Variants in PLXDC2 observed in about 807,000 individuals in gnomAD.
The protein encoded by PLXDC2 is plexin domain containing 2.
In PLXDC2, 40 loss-of-function variants were observed where a neutral mutation model predicts 68.9. That is an observed-to-expected ratio of 0.58 (90% CI 0.45 to 0.76). The LOEUF (loss-of-function observed/expected upper bound fraction) is 0.76. Ranked by LOEUF, PLXDC2 falls within the 30% of genes least tolerant of loss-of-function variation. PLXDC2 has a pLI of 0.00. For missense variants in PLXDC2, 644 were observed against 661.9 expected, an observed-to-expected ratio of 0.97 and a Z score of 0.30; for synonymous variants, 243 against 234.2, an observed-to-expected ratio of 1.04 and a Z score of -0.34.
chr10:20,238,662 A>AAAAATATATATATATGTGTATATATAT (rs1175526348), intron 12 of PLXDC2, among the ~76,000 whole-genome samples: 1 of 31,726 alleles, frequency 3.2e-5, no homozygotes, highest in African/African-American at 1.0e-4. Context: ...TCTCAAAAAA[A>AAAAATATATATATATGTGTATATATAT]ATATATATAT....
At chr10:19,890,583 G>T (rs1837939717) in intron 1 of PLXDC2, among the ~76,000 whole-genome samples, 2 of 140,322 alleles carry the variant, frequency 1.4e-5, no homozygotes, top group African/African-American at 5.3e-5. Flanking sequence ...CACCGCGTTA[G>T]CCAGGATGGT....
intron 4 of PLXDC2, among the ~76,000 whole-genome samples, chr10:20,141,910 A>G (rs16919920): frequency 0.27 from 40,879 of 151,732 alleles, 6,203 homozygotes; most frequent in East Asian, 0.5. Context: ...ATAAGAAACA[A>G]AAAGTCATGA....
At chr10:20,044,554 C>T (rs1174608586) in intron 2 of PLXDC2, among the ~76,000 whole-genome samples, 2 of 151,976 alleles carry the variant, frequency 1.3e-5, no homozygotes, top group Admixed American at 6.6e-5. Flanking sequence ...AGGTGATCCA[C>T]CCGCCTCGGC....
At chr10:20,045,795 A>G (rs970020008) in intron 2 of PLXDC2, among the ~76,000 whole-genome samples, 4 of 152,148 alleles carry the variant, frequency 2.6e-5, no homozygotes, top group African/African-American at 9.7e-5. Context: ...ATTTTTTCTT[A>G]CATTTACCTG....
chr10:20,058,299 T>G (rs2131696356), intron 3 of PLXDC2, among the ~76,000 whole-genome samples: 1 of 152,298 alleles, frequency 6.6e-6, no homozygotes, highest in South Asian at 2.1e-4. Context: ...CCTAACATGC[T>G]AGTGGAGTGG....
At chr10:19,827,379 G>A (rs1266444129) in intron 1 of PLXDC2, among the ~76,000 whole-genome samples, 1 of 152,092 alleles carries the variant, frequency 6.6e-6, no homozygotes, top group Non-Finnish European at 1.5e-5. Context: ...AGCCATTTTA[G>A]AATAAACATT....
At chr10:20,083,958 C>A (rs1179965852) in intron 4 of PLXDC2, among the ~76,000 whole-genome samples, 1 of 152,160 alleles carries the variant, frequency 6.6e-6, no homozygotes. Flanking sequence ...TAGTAAGTAT[C>A]CCCATTTAAT....
At chr10:19,915,735 A>G (rs1254467247) in intron 1 of PLXDC2, among the ~76,000 whole-genome samples, 2 of 152,042 alleles carry the variant, frequency 1.3e-5, no homozygotes, top group Non-Finnish European at 1.5e-5. Flanking sequence ...TGCTTGGTTC[A>G]TTTGATTTAT....
intron 6 of PLXDC2, among the ~76,000 whole-genome samples, chr10:20,162,077 AAGGAAG>A: frequency 2.1e-5 from 2 of 93,672 alleles, no homozygotes; most frequent in African/African-American, 7.7e-5. Context: ...AGAGAGAAGG[AAGGAAG>A]GAAGGAAGGA....
At chr10:19,844,722 A>T (rs1836972656) in intron 1 of PLXDC2, among the ~76,000 whole-genome samples, 1 of 151,576 alleles carries the variant, frequency 6.6e-6, no homozygotes, top group Non-Finnish European at 1.5e-5. Flanking sequence ...CAGCCTCCTG[A>T]GTAGCTGGGA....
chr10:20,249,044 A>G (rs895538691), intron 13 of PLXDC2, among the ~76,000 whole-genome samples: 1 of 152,198 alleles, frequency 6.6e-6, no homozygotes, highest in African/African-American at 2.4e-5. Flanking sequence ...TGGAATTTTT[A>G]TGTACATAAT....
At chr10:20,037,495 G>C (rs12240803) in intron 2 of PLXDC2, among the ~76,000 whole-genome samples, 1 of 152,006 alleles carries the variant, frequency 6.6e-6, no homozygotes, top group Non-Finnish European at 1.5e-5. Context: ...ATCTCCTAAT[G>C]CTCTATCTCA....
intron 4 of PLXDC2, among the ~76,000 whole-genome samples, chr10:20,083,590 G>A (rs1833142881): frequency 6.6e-6 from 1 of 151,648 alleles, no homozygotes; most frequent in Admixed American, 6.6e-5. Context: ...GTATGTATTT[G>A]TTTTTATTTA....
rs550023855 is a variant in PLXDC2, at chr10:20,064,229, T to C, written c.472-3941T>C. 1.6e-3 allele frequency among the ~76,000 whole-genome samples: 241 copies of C among 151,596 alleles called. 2 individuals are homozygous for C. The highest frequency in any genetic ancestry group is 2.9e-3 in the Non-Finnish European group (200 of 67,806). ...TTCAGTATTACATTTCTTTTCTTTT[T>C]TTTTTTTTTGAGACAGAGTCTTGCT... On this transcript the variant is annotated intron_variant, in intron 3 of 13. Coordinates refer to ENST00000377252, the MANE Select transcript of PLXDC2 (RefSeq NM_032812.9).
At chr10:19,898,095 A>G (rs1447879684) in intron 1 of PLXDC2, among the ~76,000 whole-genome samples, 1 of 152,194 alleles carries the variant, frequency 6.6e-6, no homozygotes, top group Non-Finnish European at 1.5e-5. Flanking sequence ...TATTATTTCC[A>G]AGTAGACAGA....
At chr10:19,982,510 TTTC>T (rs2131620995) in intron 1 of PLXDC2, among the ~76,000 whole-genome samples, 1 of 152,360 alleles carries the variant, frequency 6.6e-6, no homozygotes, top group African/African-American at 2.4e-5. Context: ...TCTTATTTGT[TTTC>T]TTCAATTCAA....
At chr10:19,882,104 G>A (rs900717844) in intron 1 of PLXDC2, among the ~76,000 whole-genome samples, 24 of 152,350 alleles carry the variant, frequency 1.6e-4, no homozygotes, top group African/African-American at 5.8e-4. Context: ...GTGACTAGTA[G>A]ATGTTTCTCA....
chr10:20,243,414 T>C (rs1041506340), intron 12 of PLXDC2, among the ~76,000 whole-genome samples: 1 of 152,200 alleles, frequency 6.6e-6, no homozygotes, highest in African/African-American at 2.4e-5. Flanking sequence ...TGATCTTCTT[T>C]CACTAATTAA....
chr10:20,055,346 G>A (rs1191254812), intron 3 of PLXDC2, among the ~76,000 whole-genome samples: 2 of 152,124 alleles, frequency 1.3e-5, no homozygotes, highest in Non-Finnish European at 2.9e-5. Flanking sequence ...GTTTATGTTG[G>A]GATAAGTAAA....
Sources: gnomAD v4.1 joint callset for allele counts (sites outside exome capture counted in the v4.1 genomes callset) on GRCh38, gnomAD v4.1.1 for gene constraint, MANE v1.5 for transcripts, NCBI Gene and HGNC (gene_info 2026-07-23, HGNC 2026-07-21) for gene names.